Variants in APOD observed in about 807,000 individuals in gnomAD.
APOD encodes apolipoprotein D, also known as apo-D.
Under a neutral mutation model 20.4 loss-of-function variants are expected in APOD, and 22 were observed. The observed-to-expected ratio is 1.08, with a 90% CI of 0.77 to 1.54. The LOEUF is 1.54. Ranked by LOEUF, APOD falls within the 40% of genes most tolerant of loss-of-function variation. APOD has a pLI of 0.00. For synonymous variants in APOD, 97 were observed against 92.4 expected, an observed-to-expected ratio of 1.05 and a Z score of -0.29; for missense variants, 223 against 229.6, an observed-to-expected ratio of 0.97 and a Z score of 0.19.
intron 4 of APOD, among the ~76,000 whole-genome samples, chr3:195,570,029 G>T (rs1250416728): frequency 6.6e-6 from 1 of 151,924 alleles, no homozygotes; most frequent in Non-Finnish European, 1.5e-5. Flanking sequence ...TTGAACTCCT[G>T]ACTTCGTGAT....
At position 195,579,434 on chromosome 3, in the gene APOD, C is replaced by A. The variant is rs751264654; in HGVS notation, c.28G>T (p.Ala10Ser). 1.9e-6 allele frequency: 3 copies of A among 1,613,836 alleles called. No individual in the cohort carries two copies. Among genetic ancestry groups the A allele is most frequent in the Non-Finnish European group, 8.5e-7 (1 of 1,180,020 alleles). ...GCCGCACCGAAGAGGCCAGCCAGTG[C>A]GGAAAGCAGCAGCAGCAGCATCACC... MVMLLLLLSALAGLFGAAEG... is the reference protein window; with the variant it reads MVMLLLLLSSLAGLFGAAEG... The change falls in exon 2 of 5, where the codon GCA becomes TCA. Residue 10 changes from alanine to serine, a missense_variant. By Grantham distance (99) the Ala-to-Ser change is moderately conservative. Coordinates refer to ENST00000343267, the MANE Select transcript of APOD (RefSeq NM_001647.4).
At chr3:195,571,161 T>A (rs1396086085) in intron 4 of APOD, 116 bp downstream of exon 4, 13 of 889,570 alleles carry the variant, frequency 1.5e-5, no homozygotes, top group Middle Eastern at 2.2e-4. Context: ...GATAATTATG[T>A]GCTGAGTGAT....
chr3:195,571,188 G>C (rs760061747), intron 4 of APOD, 89 bp downstream of exon 4: 1 of 1,051,248 alleles, frequency 9.5e-7, no homozygotes, highest in Non-Finnish European at 1.5e-6. Context: ...TGACACTCAG[G>C]TGTCTCAGGA....
rs192586832 is a variant in APOD, at chr3:195,581,531, T to G, written c.-34-2036A>C. On this transcript the variant is annotated intron_variant, in intron 1 of 4. Coordinates refer to ENST00000343267, the MANE Select transcript of APOD (RefSeq NM_001647.4). ...ACTGGATAGGACCTTAGAGGTCATC[T>G]TTCTAGCTCTACTTCCAAGGTGTAC... Among the ~76,000 whole-genome samples, 83 of 152,294 alleles carry G rather than the reference T, an allele frequency of 5.4e-4. No homozygotes were observed. The East Asian group carries it at 0.014, about 27-fold the overall frequency.
intron 2 of APOD, among the ~76,000 whole-genome samples, chr3:195,576,326 G>T (rs1577604857): frequency 6.6e-6 from 1 of 152,194 alleles, no homozygotes; most frequent in Non-Finnish European, 1.5e-5. Context: ...TTTTGCAAAG[G>T]CTTCTTAATC....
intron 1 of APOD, among the ~76,000 whole-genome samples, chr3:195,580,086 A>C (rs1720310247): frequency 6.6e-6 from 1 of 152,168 alleles, no homozygotes; most frequent in Admixed American, 6.5e-5. Context: ...TGGGGGCTCC[A>C]GGGTCACCCC....
Position 195,569,021 on chromosome 3 carries a change from G to T in APOD, c.449C>A (p.Ala150Glu), listed in dbSNP as rs1335258929. The T allele has an allele frequency of 1.5e-5, 24 of 1,613,960 alleles. No individual in the cohort carries two copies. The highest frequency in any genetic ancestry group is 1.9e-5 in the Non-Finnish European group (22 of 1,179,988). ...LFHVDFAWIL[A>E]RNPNLPPETV... ...TTCTGGAGGGAGATTAGGGTTTCTT[G>T]CCAAGATCCAAGCAAAATCCACGTG... The change falls in exon 5 of 5, where the codon GCA becomes GAA. Residue 150 changes from alanine to glutamate, a missense_variant. Coordinates refer to ENST00000343267, the MANE Select transcript of APOD (RefSeq NM_001647.4).
intron 2 of APOD, among the ~76,000 whole-genome samples, chr3:195,574,606 T>C (rs1043132349): frequency 6.6e-6 from 1 of 152,184 alleles, no homozygotes; most frequent in Non-Finnish European, 1.5e-5. Flanking sequence ...CGGAGGGCAG[T>C]TTGGCAATAT....
Position 195,579,366 on chromosome 3 carries a change from C to T in APOD, c.96G>A (p.Pro32=), listed in dbSNP as rs1720296439. The T allele has an allele frequency of 1.2e-6, 2 of 1,614,200 alleles. No individual in the cohort carries two copies. Among genetic ancestry groups the T allele is most frequent in the Non-Finnish European group, 8.5e-7 (1 of 1,180,026 alleles). ...AFHLGKCPNP[P]VQENFDVNKY... ...TATTCACGTCAAAATTCTCCTGCAC[C>T]GGAGGATTGGGGCACTTCCCAAGAT... The change falls in exon 2 of 5, where the codon CCG becomes CCA. Residue 32 remains proline (P), a synonymous_variant. Coordinates refer to ENST00000343267, the MANE Select transcript of APOD (RefSeq NM_001647.4).
At chr3:195,577,656 A>T (rs1165906813) in intron 2 of APOD, among the ~76,000 whole-genome samples, 1 of 152,208 alleles carries the variant, frequency 6.6e-6, no homozygotes, top group Non-Finnish European at 1.5e-5. Flanking sequence ...TAGAACTGAG[A>T]GTGCAAAAAT....
At chr3:195,571,937 G>A (rs1384366715) in intron 3 of APOD, among the ~76,000 whole-genome samples, 2 of 151,990 alleles carry the variant, frequency 1.3e-5, no homozygotes, top group Admixed American at 6.6e-5. Flanking sequence ...GCACCACCAC[G>A]CCTGGCTAAT....
intron 4 of APOD, among the ~76,000 whole-genome samples, chr3:195,569,786 GTTTTTTTTTTTTTTTTT>G (rs543541862): frequency 1.3e-4 from 7 of 54,054 alleles, no homozygotes; most frequent in Non-Finnish European, 2.4e-4. Flanking sequence ...CTTCTTCTTC[GTTTTTTTTTTTTTTTTT>G]TTTTTTTTTT....
chr3:195,571,855 C>T (rs1455846030), intron 3 of APOD, among the ~76,000 whole-genome samples: 1 of 151,806 alleles, frequency 6.6e-6, no homozygotes, highest in Non-Finnish European at 1.5e-5. Context: ...TCTCGGCTTA[C>T]TGCAACCTCT....
intron 2 of APOD, chr3:195,577,181 C>T (rs1376934696): frequency 3.5e-5 from 11 of 311,256 alleles, no homozygotes; most frequent in African/African-American, 1.7e-4. Context: ...AGTGAGACTC[C>T]GTCTCAAAAA....
At chr3:195,582,764 A>G (rs1206658602) in intron 1 of APOD, 1 of 151,804 alleles carries the variant, frequency 6.6e-6, no homozygotes, top group Non-Finnish European at 1.5e-5. Flanking sequence ...ACAAAAACAA[A>G]CAAACAAAAA....
intron 2 of APOD, 49 bp from the exon 3 acceptor site, chr3:195,574,020 G>C (rs760680956): frequency 2.5e-6 from 4 of 1,602,638 alleles, no homozygotes; most frequent in Non-Finnish European, 3.4e-6. Flanking sequence ...CTGGGGACCT[G>C]CAACTTCTTC....
chr3:195,572,530 A>G (rs1720178887), intron 3 of APOD, among the ~76,000 whole-genome samples: 1 of 152,158 alleles, frequency 6.6e-6, no homozygotes, highest in African/African-American at 2.4e-5. Flanking sequence ...TGCTTTCTAG[A>G]TGACTCCCAA....
chr3:195,577,043 T>G (rs775412941), intron 2 of APOD: 23 of 223,338 alleles, frequency 1.0e-4, no homozygotes, highest in Non-Finnish European at 2.0e-4. Context: ...AAAACTTTGC[T>G]GGGTGTGGTG....
Position 195,579,490 on chromosome 3 carries a change from C to G in APOD, c.-29G>C. 1 of 1,608,650 alleles carries G rather than the reference C, an allele frequency of 6.2e-7. No homozygotes were observed. Among genetic ancestry groups the G allele is most frequent in the Non-Finnish European group, 8.5e-7 (1 of 1,179,846 alleles). ...GGGGCTGGGTGGCTGGAGAAGGGAC[C>G]TGGAGCTGCGGGAACGCAAAGCAGC... On this transcript the variant is annotated 5_prime_UTR_variant, in exon 2 of 5. Coordinates refer to ENST00000343267, the MANE Select transcript of APOD (RefSeq NM_001647.4).
Sources: allele counts gnomAD v4.1 joint callset (sites outside exome capture counted in the v4.1 genomes callset), GRCh38; gene constraint gnomAD v4.1.1; transcripts MANE v1.5; gene names NCBI Gene and HGNC (gene_info 2026-07-23, HGNC 2026-07-21).